MINDY3: variants seen among roughly 807,000 people sequenced by gnomAD.
The protein encoded by MINDY3 is ubiquitin carboxyl-terminal hydrolase MINDY-3.
In MINDY3, 38 loss-of-function variants were observed where a neutral mutation model predicts 69.2. The ratio of observed to expected loss-of-function variants is 0.55; its 90% CI spans 0.42 to 0.72. The LOEUF (loss-of-function observed/expected upper bound fraction) is 0.72, where lower values mean the gene tolerates loss of function less well. Ranked by LOEUF, MINDY3 falls within the 30% of genes least tolerant of loss-of-function variation. The pLI is 0.00. For missense variants in MINDY3, 522 were observed against 519.0 expected (o/e 1.01, Z -0.06); for synonymous variants, 192 against 180.1 (o/e 1.07, Z -0.53).
intron 10 of MINDY3, among the ~76,000 whole-genome samples, chr10:15,813,978 C>CAAAAAAAA (rs777561427): frequency 7.5e-5 from 5 of 66,314 alleles, no homozygotes; most frequent in African/African-American, 1.1e-4. Flanking sequence ...CACCAAAACT[C>CAAAAAAAA]AAAAAAAAAA....
chr10:15,843,284 T>C lies in MINDY3; in HGVS notation c.175-12A>G. 1 of 1,601,882 alleles carries C rather than the reference T, an allele frequency of 6.2e-7. No homozygotes were observed. Among genetic ancestry groups the C allele is most frequent in the African/African-American group, 1.3e-5 (1 of 74,760 alleles). Reference sequence around the variant, plus strand: ...TTCAAAAGAAATGCCTTTACACAATTAAAGCAATAATTAGTGAAATGCATT... The same window carrying C: ...TTCAAAAGAAATGCCTTTACACAATCAAAGCAATAATTAGTGAAATGCATT... On this transcript the variant is annotated splice_polypyrimidine_tract_variant and intron_variant, in intron 2 of 14. Transcript: ENST00000277632.
chr10:15,814,407 G>A (rs115985321), intron 10 of MINDY3, among the ~76,000 whole-genome samples: 2,593 of 151,650 alleles, frequency 0.017, 75 homozygotes, highest in African/African-American at 0.057. Context: ...AACGTCACTG[G>A]AACCCAAATG....
At position 15,841,584 on chromosome 10, in the gene MINDY3, T is replaced by C; in HGVS notation, c.251A>G (p.Glu84Gly). The C allele has an allele frequency of 6.2e-7, 1 of 1,604,358 alleles. No homozygotes were observed. The highest frequency in any genetic ancestry group is 8.5e-7 in the Non-Finnish European group (1 of 1,175,462). Residue 84 changes from glutamate (E) to glycine (G), a missense_variant, in exon 4 of 15, where the codon GAA (glutamate) becomes GGA (glycine). By Grantham distance (98) the Glu-to-Gly change is moderately conservative (BLOSUM62 -2). Coordinates refer to ENST00000277632, the MANE Select transcript of MINDY3 (RefSeq NM_024948.4). ...ATCACACAAGGTATGACAAAGGAGT[T>C]CCTTCTGCTCTTCCTCTAAAAATAA... ...WRDCSEEEQKELLCHTLCDIL... is the reference protein window; with the variant it reads ...WRDCSEEEQKGLLCHTLCDIL...
intron 9 of MINDY3, 140 bp from the exon 10 acceptor site, chr10:15,817,055 C>G (rs1839424219): frequency 1.6e-6 from 1 of 643,738 alleles, no homozygotes; most frequent in South Asian, 2.0e-5. Context: ...GCACTTCACC[C>G]ATAGAGATCA....
chr10:15,789,809 AAACAGACTTGGTGATTTAAAT>A (rs1187843988), intron 11 of MINDY3, among the ~76,000 whole-genome samples: 5 of 152,112 alleles, frequency 3.3e-5, no homozygotes, highest in Non-Finnish European at 7.4e-5. Flanking sequence ...AGGTATTCTA[AAACAGACTTGGTGATTTAAAT>A]GAAAGCTGTA....
chr10:15,781,176 A>T (rs1836500619), intron 14 of MINDY3, among the ~76,000 whole-genome samples: 1 of 152,016 alleles, frequency 6.6e-6, no homozygotes, highest in African/African-American at 2.4e-5. Context: ...TGCTGTATAT[A>T]TATATCTTTG....
Position 15,841,440 on chromosome 10 carries a change from T to C in MINDY3, c.395A>G (p.Gln132Arg). The change falls in exon 4 of 15, where the codon CAA becomes CGA. Residue 132 changes from glutamine (Q) to arginine (R), a missense_variant. Physicochemically the swap from Gln to Arg is conservative, Grantham distance 43. Transcript: ENST00000277632. ...ISGSPAESSC[Q>R]VEHSSALAVE... ...ATATATCTTACAAGAATGTTCCACT[T>C]GGCAACTAGACTCTGCAGGACTCCC... is the stretch of plus-strand genomic sequence containing the variant. 2 of 1,607,884 alleles carry C rather than the reference T, an allele frequency of 1.2e-6. No homozygotes were observed. The highest frequency in any genetic ancestry group is 1.7e-6 in the Non-Finnish European group (2 of 1,177,362).
At chr10:15,817,007 C>T (rs1342993310) in intron 9 of MINDY3, 92 bp from the exon 10 acceptor site, 1 of 912,804 alleles carries the variant, frequency 1.1e-6, no homozygotes, top group African/African-American at 1.7e-5. Context: ...CATAAAGTGT[C>T]CAATTTGTAT....
chr10:15,815,696 C>G (rs1361112000), intron 10 of MINDY3, among the ~76,000 whole-genome samples: 1 of 152,106 alleles, frequency 6.6e-6, no homozygotes, highest in African/African-American at 2.4e-5. Flanking sequence ...ACGATGACCA[C>G]AGCTAAAATT....
At chr10:15,855,095 G>A (rs1834598604) in intron 1 of MINDY3, among the ~76,000 whole-genome samples, 1 of 152,076 alleles carries the variant, frequency 6.6e-6, no homozygotes, top group Non-Finnish European at 1.5e-5. Context: ...TTATCCACAG[G>A]TGGGGCTTTC....
At chr10:15,799,178 AT>A (rs918276482) in intron 10 of MINDY3, among the ~76,000 whole-genome samples, 22 of 151,808 alleles carry the variant, frequency 1.4e-4, no homozygotes, top group East Asian at 1.2e-3. Flanking sequence ...TATATTACAT[AT>A]TTTTTCCCCC....
chr10:15,811,571 T>A (rs1839002372), intron 10 of MINDY3, among the ~76,000 whole-genome samples: 1 of 151,992 alleles, frequency 6.6e-6, no homozygotes, highest in African/African-American at 2.4e-5. Context: ...GTATATGTAT[T>A]TGAATGTCAC....
intron 8 of MINDY3, among the ~76,000 whole-genome samples, chr10:15,832,934 G>A (rs900513497): frequency 5.9e-5 from 9 of 152,144 alleles, no homozygotes; most frequent in Non-Finnish European, 1.2e-4. Context: ...CTGGAGCTTC[G>A]TGTCCTATGC....
chr10:15,844,899 G>A (rs1217033771), intron 2 of MINDY3, among the ~76,000 whole-genome samples: 1 of 152,268 alleles, frequency 6.6e-6, no homozygotes, highest in East Asian at 1.9e-4. Context: ...TAGTGAGGGT[G>A]AGCATCCTGA....
chr10:15,796,921 T>C (rs1400632702), intron 10 of MINDY3, among the ~76,000 whole-genome samples: 1 of 152,114 alleles, frequency 6.6e-6, no homozygotes, highest in Non-Finnish European at 1.5e-5. Flanking sequence ...TGTAGGCTCC[T>C]GTTGTTTACC....
At chr10:15,791,988 A>G (rs887788806) in intron 11 of MINDY3, among the ~76,000 whole-genome samples, 1 of 152,128 alleles carries the variant, frequency 6.6e-6, no homozygotes, top group Admixed American at 6.6e-5. Flanking sequence ...GAGAAGCTGG[A>G]AAAAGGTTTC....
chr10:15,809,984 T>A (rs1371771191), intron 10 of MINDY3, among the ~76,000 whole-genome samples: 1 of 152,138 alleles, frequency 6.6e-6, no homozygotes, highest in African/African-American at 2.4e-5. Flanking sequence ...AACCTGAACA[T>A]TTTTACAACC....
intron 10 of MINDY3, among the ~76,000 whole-genome samples, chr10:15,814,227 C>T (rs1212737360): frequency 6.6e-6 from 1 of 151,926 alleles, no homozygotes; most frequent in Non-Finnish European, 1.5e-5. Flanking sequence ...AGGTGAACTT[C>T]CAGCTTTGTT....
intron 10 of MINDY3, among the ~76,000 whole-genome samples, chr10:15,804,100 C>G (rs530253497): frequency 6.6e-6 from 1 of 152,186 alleles, no homozygotes; most frequent in African/African-American, 2.4e-5. Flanking sequence ...TTACATTAGT[C>G]TGATATAATC....
Sources: gnomAD v4.1 joint callset for allele counts (sites outside exome capture counted in the v4.1 genomes callset) on GRCh38, gnomAD v4.1.1 for gene constraint, MANE v1.5 for transcripts, NCBI Gene and HGNC (gene_info 2026-07-23, HGNC 2026-07-21) for gene names.